FRMD4B: variants seen among roughly 807,000 people sequenced by gnomAD.
FRMD4B encodes FERM domain containing 4B.
Under a neutral mutation model 141.5 loss-of-function variants are expected in FRMD4B, and 74 were observed. That is an observed-to-expected ratio of 0.52 (90% CI 0.43 to 0.63). FRMD4B has a LOEUF of 0.63. FRMD4B is among the 30% of genes least tolerant of loss of function. The pLI, the probability that FRMD4B is intolerant of heterozygous loss-of-function variation, is 0.00. For synonymous variants in FRMD4B, 506 were observed against 467.9 expected, an observed-to-expected ratio of 1.08 and a Z score of -1.05; for missense variants, 1,366 against 1,253.4, an observed-to-expected ratio of 1.09 and a Z score of -1.36.
chr3:69,444,271 G>A (rs1388260710), intron 1 of FRMD4B, among the ~76,000 whole-genome samples: 3 of 152,168 alleles, frequency 2.0e-5, no homozygotes, highest in Non-Finnish European at 4.4e-5. Flanking sequence ...TGCTGTCTCA[G>A]TGAATTGGGT....
intron 1 of FRMD4B, chr3:69,353,577 G>A (rs1703224829): frequency 1.0e-6 from 1 of 985,296 alleles, no homozygotes; most frequent in Non-Finnish European, 1.2e-6. Flanking sequence ...TCATTTAAAG[G>A]AACTGAAGAG....
intron 1 of FRMD4B, among the ~76,000 whole-genome samples, chr3:69,364,608 A>G (rs897243470): frequency 5.3e-5 from 8 of 152,230 alleles, no homozygotes; most frequent in Non-Finnish European, 8.8e-5. Context: ...TAACCATGGC[A>G]TTAATGGGAT....
intron 1 of FRMD4B, among the ~76,000 whole-genome samples, chr3:69,339,149 C>G (rs1702651519): frequency 6.6e-6 from 1 of 152,130 alleles, no homozygotes; most frequent in Non-Finnish European, 1.5e-5. Flanking sequence ...GTGTTCTACT[C>G]AGTTTCCTTT....
chr3:69,425,190 C>T (rs72939693), intron 2 of FRMD4B, among the ~76,000 whole-genome samples: 5,473 of 152,230 alleles, frequency 0.036, 281 homozygotes, highest in African/African-American at 0.11. Flanking sequence ...AGTGTATTAG[C>T]GTCACCTCCT....
chr3:69,339,409 C>A (rs973351685), intron 1 of FRMD4B, among the ~76,000 whole-genome samples: 1 of 152,140 alleles, frequency 6.6e-6, no homozygotes, highest in Non-Finnish European at 1.5e-5. Flanking sequence ...GTCATTTAAT[C>A]CCTTTTAGTC....
At chr3:69,382,191 C>T (rs1704134709) in intron 1 of FRMD4B, among the ~76,000 whole-genome samples, 1 of 152,214 alleles carries the variant, frequency 6.6e-6, no homozygotes, top group South Asian at 2.1e-4. Context: ...AGGCATGTGC[C>T]ACCATGCCTG....
intron 1 of FRMD4B, among the ~76,000 whole-genome samples, chr3:69,344,126 A>G (rs1359605225): frequency 6.6e-6 from 1 of 152,186 alleles, no homozygotes; most frequent in Admixed American, 6.5e-5. Context: ...AGCTGCATCC[A>G]TTGCCAAAGA....
chr3:69,263,396 CTTTT>C (rs67497031), intron 5 of FRMD4B, among the ~76,000 whole-genome samples: 86 of 72,914 alleles, frequency 1.2e-3, no homozygotes, highest in African/African-American at 4.6e-3. Context: ...GTTACATGCA[CTTTT>C]TTTTTTTTTT....
At position 69,299,051 on chromosome 3, in the gene FRMD4B, G is replaced by C. The variant is rs1459524031; in HGVS notation, c.416+3292C>G. Reference sequence around the variant, plus strand: ...CTGTTATTATATAATGAATGCATTTGTTTATGTGTATGCTGACTATGATGG... The same window carrying C: ...CTGTTATTATATAATGAATGCATTTCTTTATGTGTATGCTGACTATGATGG... On this transcript the variant is annotated intron_variant, in intron 4 of 22. Transcript: ENST00000398540. Among the ~76,000 whole-genome samples the C allele has an allele frequency of 2.6e-5, 4 of 152,006 alleles. No homozygotes were observed. The South Asian group carries it at 8.3e-4, about 31-fold the overall frequency.
intron 1 of FRMD4B, among the ~76,000 whole-genome samples, chr3:69,373,202 T>C (rs9985339): frequency 0.78 from 118,635 of 151,896 alleles, 46,592 homozygotes; most frequent in Middle Eastern, 0.85. Flanking sequence ...GTGGCAGTTT[T>C]ACCGACCCTT....
intron 11 of FRMD4B, among the ~76,000 whole-genome samples, chr3:69,209,466 A>G (rs772680727): frequency 2.6e-5 from 4 of 152,220 alleles, no homozygotes; most frequent in Non-Finnish European, 5.9e-5. Context: ...ATAACTCACT[A>G]ACTCATTGGG....
At chr3:69,380,160 G>A (rs1327230589) in intron 1 of FRMD4B, among the ~76,000 whole-genome samples, 1 of 152,216 alleles carries the variant, frequency 6.6e-6, no homozygotes, top group Non-Finnish European at 1.5e-5. Context: ...CCTAGTGGGA[G>A]ATGGCTGTGA....
At chr3:69,462,445 G>A (rs1705721826) in intron 1 of FRMD4B, among the ~76,000 whole-genome samples, 1 of 152,214 alleles carries the variant, frequency 6.6e-6, no homozygotes, top group African/African-American at 2.4e-5. Flanking sequence ...AGCCTTGTCA[G>A]GGTGCATGAG....
chr3:69,280,546 C>T (rs558804878), intron 5 of FRMD4B, among the ~76,000 whole-genome samples: 7 of 152,214 alleles, frequency 4.6e-5, no homozygotes, highest in African/African-American at 1.7e-4. Context: ...TCACCATGTA[C>T]AACAACGTTC....
At chr3:69,368,086 T>G (rs1444404271) in intron 1 of FRMD4B, among the ~76,000 whole-genome samples, 1 of 152,260 alleles carries the variant, frequency 6.6e-6, no homozygotes, top group Non-Finnish European at 1.5e-5. Context: ...CAAGGCCTTT[T>G]TCTAAACTAT....
At chr3:69,529,873 G>A (rs1192820350) in intron 1 of FRMD4B, among the ~76,000 whole-genome samples, 2 of 152,172 alleles carry the variant, frequency 1.3e-5, no homozygotes, top group Non-Finnish European at 2.9e-5. Context: ...AAGTAGTAGT[G>A]GAATTAGGAG....
rs969032072 is a variant in FRMD4B at position 69,169,690 on chromosome 3, G to A, written c.*2171C>T. 1.3e-5 allele frequency among the ~76,000 whole-genome samples: 2 copies of A among 151,986 alleles called. No homozygotes were observed. Among genetic ancestry groups the A allele is most frequent in the African/African-American group, 4.8e-5 (2 of 41,362 alleles). On this transcript the variant is annotated 3_prime_UTR_variant, in exon 23 of 23. Coordinates refer to ENST00000398540, the MANE Select transcript of FRMD4B (RefSeq NM_015123.3). Reference sequence around the variant, plus strand: ...CCATTTCTATACCTTCTTTTCCTCTGTGGGAGCCAAGTTATATTTGCCCTT... The same window carrying A: ...CCATTTCTATACCTTCTTTTCCTCTATGGGAGCCAAGTTATATTTGCCCTT...
chr3:69,479,086 G>A (rs1706065087), intron 1 of FRMD4B, among the ~76,000 whole-genome samples: 2 of 138,076 alleles, frequency 1.4e-5, no homozygotes, highest in Admixed American at 1.5e-4. Flanking sequence ...CTTTTATTTT[G>A]AGCCTATGTG....
At chr3:69,424,404 C>T (rs1705041197) in intron 2 of FRMD4B, among the ~76,000 whole-genome samples, 1 of 152,154 alleles carries the variant, frequency 6.6e-6, no homozygotes, top group Admixed American at 6.5e-5. Flanking sequence ...AGCGATCTTC[C>T]CGCTTTGGCC....
Sources: allele counts gnomAD v4.1 joint callset (sites outside exome capture counted in the v4.1 genomes callset), GRCh38; gene constraint gnomAD v4.1.1; transcripts MANE v1.5; gene names NCBI Gene and HGNC (gene_info 2026-07-23, HGNC 2026-07-21).